The following UNC13C variants were observed in gnomAD, a reference collection of about 807,000 sequenced individuals.
UNC13C encodes the protein unc-13 homolog C, also known as protein unc-13 homolog C.
In UNC13C, 174 loss-of-function variants were observed where a neutral mutation model predicts 245.4. The ratio of observed to expected loss-of-function variants is 0.71; its 90% CI spans 0.63 to 0.80. The LOEUF is 0.80. UNC13C is among the 30% of genes least tolerant of loss of function. The pLI is 0.00. For missense variants in UNC13C, 2,829 were observed against 2,602.9 expected (o/e 1.09, Z -1.89); for synonymous variants, 992 against 895.1 (o/e 1.11, Z -1.93).
chr15:54,359,125 C>T (rs188912958), intron 17 of UNC13C, among the ~76,000 whole-genome samples: 7 of 151,692 alleles, frequency 4.6e-5, no homozygotes, highest in Admixed American at 2.0e-4. Context: ...TGATGTATTA[C>T]GTTTATTGAT....
At chr15:54,557,901 A>G (rs62022754) in intron 29 of UNC13C, among the ~76,000 whole-genome samples, 9,213 of 152,050 alleles carry the variant, frequency 0.061, 393 homozygotes, top group Admixed American at 0.13. Flanking sequence ...GCACATATAC[A>G]CCATGGAATA....
At chr15:54,300,450 C>A in intron 13 of UNC13C, 77 bp downstream of exon 13, 1 of 1,346,974 alleles carries the variant, frequency 7.4e-7, no homozygotes, top group Non-Finnish European at 1.0e-6. Context: ...CATCTCACTT[C>A]TAATTCAAAT....
At chr15:54,195,553 G>T (rs1349651693) in intron 4 of UNC13C, among the ~76,000 whole-genome samples, 1 of 152,100 alleles carries the variant, frequency 6.6e-6, no homozygotes, top group Non-Finnish European at 1.5e-5. Flanking sequence ...GATAGACAAT[G>T]AATACAGCAT....
chr15:53,873,145 T>C, the UNC13C span, among the ~76,000 whole-genome samples: 6 of 151,770 alleles, frequency 4.0e-5, no homozygotes, highest in African/African-American at 1.4e-4. Flanking sequence ...ACGTTTTTTT[T>C]TTTAGTGGCT....
intron 18 of UNC13C, among the ~76,000 whole-genome samples, chr15:54,405,649 G>A (rs1304682957): frequency 3.3e-5 from 5 of 152,178 alleles, no homozygotes; most frequent in East Asian, 3.9e-4. Flanking sequence ...AATTAGAAAC[G>A]TAAAATGTAG....
chr15:54,263,605 G>A (rs1246987222), intron 8 of UNC13C, among the ~76,000 whole-genome samples: 8 of 152,082 alleles, frequency 5.3e-5, no homozygotes, highest in South Asian at 4.1e-4. Context: ...AGTTCGAGTC[G>A]GTGTTCTATC....
the UNC13C span, among the ~76,000 whole-genome samples, chr15:53,898,693 A>G: frequency 2.0e-5 from 3 of 152,194 alleles, no homozygotes; most frequent in Admixed American, 1.3e-4. Flanking sequence ...AAGGTGTACA[A>G]TATGATAATT....
chr15:54,131,774 C>A (rs1167005528), intron 2 of UNC13C, among the ~76,000 whole-genome samples: 1 of 151,990 alleles, frequency 6.6e-6, no homozygotes, highest in Non-Finnish European at 1.5e-5. Context: ...TGTGTTAGAA[C>A]CTTATTCACT....
At chr15:54,237,720 A>G in intron 7 of UNC13C, 30 bp downstream of exon 7, 1 of 1,523,352 alleles carries the variant, frequency 6.6e-7, no homozygotes, top group Non-Finnish European at 9.0e-7. Flanking sequence ...CATAATATCT[A>G]ACTAGATATT....
At chr15:53,916,133 A>G in the UNC13C span, among the ~76,000 whole-genome samples, 1 of 152,206 alleles carries the variant, frequency 6.6e-6, no homozygotes, top group African/African-American at 2.4e-5. Flanking sequence ...GAGACTAGAC[A>G]GAGTTCGAAG....
chr15:54,424,746 T>C (rs958873358), intron 19 of UNC13C, among the ~76,000 whole-genome samples: 2 of 151,656 alleles, frequency 1.3e-5, no homozygotes, highest in Admixed American at 6.6e-5. Flanking sequence ...TTTAGAATCA[T>C]AGTAGAAGAG....
At chr15:53,852,153 C>A in the UNC13C span, among the ~76,000 whole-genome samples, 1 of 152,058 alleles carries the variant, frequency 6.6e-6, no homozygotes. Flanking sequence ...GACATTTTTC[C>A]CAGGAAGATA....
chr15:54,353,859 C>G (rs2039037184), intron 17 of UNC13C, among the ~76,000 whole-genome samples: 1 of 152,178 alleles, frequency 6.6e-6, no homozygotes, highest in Non-Finnish European at 1.5e-5. Context: ...GCTTCACACA[C>G]AAAACAGTCC....
intron 2 of UNC13C, among the ~76,000 whole-genome samples, chr15:54,070,256 A>G (rs968190469): frequency 1.3e-5 from 2 of 152,232 alleles, no homozygotes; most frequent in African/African-American, 2.4e-5. Context: ...CACTGAGCTA[A>G]TTGTTACAGA....
chr15:53,967,112 T>C, the UNC13C span, among the ~76,000 whole-genome samples: 1 of 152,090 alleles, frequency 6.6e-6, no homozygotes, highest in African/African-American at 2.4e-5. Context: ...TCTTGTATCA[T>C]TTTAATAAAC....
At chr15:54,538,133 C>CAAAAA (rs56041311) in intron 26 of UNC13C, among the ~76,000 whole-genome samples, 10 of 10,246 alleles carry the variant, frequency 9.8e-4, no homozygotes, top group Admixed American at 2.6e-3. Flanking sequence ...CATTAACAAG[C>CAAAAA]AAAAAAAAAA....
intron 2 of UNC13C, among the ~76,000 whole-genome samples, chr15:54,095,027 C>A: frequency 6.6e-6 from 1 of 152,164 alleles, no homozygotes; most frequent in East Asian, 1.9e-4. Context: ...AAGACAACCC[C>A]ACACAGATTC....
chr15:54,546,527 G>T (rs1271881973), intron 26 of UNC13C, among the ~76,000 whole-genome samples, 195 bp from the exon 27 acceptor site: 1 of 152,082 alleles, frequency 6.6e-6, no homozygotes, highest in East Asian at 1.9e-4. Context: ...CGTAAGAAAA[G>T]AAGTATGCTG....
chr15:53,995,259 C>G (rs915589026), intron 1 of UNC13C, among the ~76,000 whole-genome samples: 4 of 151,980 alleles, frequency 2.6e-5, no homozygotes, highest in African/African-American at 4.8e-5. Flanking sequence ...CTGAAAAGAG[C>G]AGAGGGGCCA....
Sources: gnomAD v4.1 joint callset for allele counts (sites outside exome capture counted in the v4.1 genomes callset) on GRCh38, gnomAD v4.1.1 for gene constraint, MANE v1.5 for transcripts, NCBI Gene and HGNC (gene_info 2026-07-23, HGNC 2026-07-21) for gene names.